The following GABRG3 variants were observed in gnomAD, a reference collection of about 807,000 sequenced individuals.
GABRG3 encodes the protein gamma-aminobutyric acid type A receptor subunit gamma3.
In GABRG3, 25 loss-of-function variants were observed where a neutral mutation model predicts 48.8. The observed-to-expected ratio is 0.51, with a 90% CI of 0.37 to 0.72. GABRG3 has a LOEUF of 0.72. Ranked by LOEUF, GABRG3 falls within the 30% of genes least tolerant of loss-of-function variation. The pLI, the probability that GABRG3 is intolerant of heterozygous loss-of-function variation, is 0.00. For synonymous variants in GABRG3, 227 were observed against 217.6 expected (o/e 1.04, Z -0.38); for missense variants, 394 against 577.9 (o/e 0.68, Z 3.26).
chr15:27,504,002 T>G (rs966996712), intron 6 of GABRG3, among the ~76,000 whole-genome samples: 3 of 152,154 alleles, frequency 2.0e-5, no homozygotes, highest in Non-Finnish European at 2.9e-5. Flanking sequence ...TTCCTTTGAT[T>G]ATTATTACCA....
At chr15:27,220,902 C>T (rs887089727) in intron 3 of GABRG3, among the ~76,000 whole-genome samples, 7 of 152,080 alleles carry the variant, frequency 4.6e-5, no homozygotes, top group African/African-American at 7.2e-5. Context: ...AATCAGTAAT[C>T]GCAGATCAAG....
At chr15:27,177,133 A>G (rs953399145) in intron 3 of GABRG3, among the ~76,000 whole-genome samples, 2 of 152,004 alleles carry the variant, frequency 1.3e-5, no homozygotes, top group African/African-American at 4.8e-5. Flanking sequence ...TTTGGTGGGG[A>G]TGAAGTCACA....
chr15:27,184,720 G>A (rs1172292811), intron 3 of GABRG3, among the ~76,000 whole-genome samples: 1 of 152,062 alleles, frequency 6.6e-6, no homozygotes, highest in Non-Finnish European at 1.5e-5. Flanking sequence ...TTATTTAATG[G>A]TTATGGGACC....
At chr15:27,032,221 T>A (rs1273971540) in intron 3 of GABRG3, among the ~76,000 whole-genome samples, 1 of 152,240 alleles carries the variant, frequency 6.6e-6, no homozygotes, top group East Asian at 1.9e-4. Flanking sequence ...AATTTTAATT[T>A]GATTCTTTCT....
At chr15:27,226,088 T>C (rs979493292) in intron 3 of GABRG3, among the ~76,000 whole-genome samples, 5 of 152,128 alleles carry the variant, frequency 3.3e-5, no homozygotes, top group African/African-American at 1.2e-4. Flanking sequence ...TTGATGCAAA[T>C]AGGCAAGAGG....
intron 3 of GABRG3, among the ~76,000 whole-genome samples, chr15:27,125,527 T>C (rs1469191286): frequency 2.0e-5 from 3 of 152,348 alleles, no homozygotes; most frequent in South Asian, 2.1e-4. Context: ...GTGATGGTTA[T>C]GCTACTTACC....
intron 6 of GABRG3, among the ~76,000 whole-genome samples, chr15:27,494,261 A>G (rs1890427298): frequency 6.6e-6 from 1 of 152,104 alleles, no homozygotes; most frequent in Non-Finnish European, 1.5e-5. Flanking sequence ...CAACATTAAT[A>G]TCAATTCAAT....
intron 5 of GABRG3, among the ~76,000 whole-genome samples, chr15:27,389,527 G>C (rs1218680395): frequency 6.6e-6 from 1 of 152,176 alleles, no homozygotes; most frequent in Non-Finnish European, 1.5e-5. Context: ...GTTGGAGTGT[G>C]TGTAGTCCTC....
intron 3 of GABRG3, among the ~76,000 whole-genome samples, chr15:27,194,497 T>A: frequency 6.6e-6 from 1 of 152,202 alleles, no homozygotes; most frequent in East Asian, 1.9e-4. Flanking sequence ...AGTGTTTTTA[T>A]TTGTCCTTTA....
chr15:27,319,627 C>T lies in GABRG3; in HGVS notation c.271-7182C>T, dbSNP rs537830379. ...AGACAGGAGGATGGAGAGGACTGGA[C>T]GAGGCTGGATAAGAGGGTGTCCAGG... On this transcript the variant is annotated intron_variant, in intron 3 of 9. Transcript: ENST00000615808. This position sits in a 1 kb window ranked among gnomAD's most constrained non-coding sequence, Gnocchi z 4.4. Among the ~76,000 whole-genome samples, 34 of 152,084 alleles carry T rather than the reference C, an allele frequency of 2.2e-4. No individual in the cohort carries two copies. The highest frequency in any genetic ancestry group is 6.7e-4 in the African/African-American group (28 of 41,486).
chr15:27,381,462 CTG>C (rs1156366305), intron 5 of GABRG3, among the ~76,000 whole-genome samples: 10 of 152,166 alleles, frequency 6.6e-5, no homozygotes, highest in Non-Finnish European at 1.3e-4. Context: ...GTTTTTAACT[CTG>C]AGATTTTTGT....
intron 3 of GABRG3, among the ~76,000 whole-genome samples, chr15:27,231,087 A>G (rs1054964322): frequency 1.3e-5 from 2 of 151,990 alleles, no homozygotes; most frequent in Non-Finnish European, 2.9e-5. Flanking sequence ...AAGAAAATAG[A>G]AAAATTTTAA....
intron 3 of GABRG3, among the ~76,000 whole-genome samples, chr15:27,322,058 T>C (rs1447880707): frequency 2.0e-5 from 3 of 152,254 alleles, no homozygotes; most frequent in Non-Finnish European, 4.4e-5. Flanking sequence ...TAAGGAATTA[T>C]ATAGAATCTT....
chr15:27,527,808 T>C (rs1336707399), intron 8 of GABRG3, 125 bp from the exon 9 acceptor site: 2 of 969,790 alleles, frequency 2.1e-6, no homozygotes, highest in Non-Finnish European at 3.1e-6. Flanking sequence ...CTCTAAGACA[T>C]CTCTGGTGTC....
intron 5 of GABRG3, among the ~76,000 whole-genome samples, chr15:27,448,607 A>G (rs1190580121): frequency 2.0e-5 from 3 of 152,252 alleles, no homozygotes; most frequent in African/African-American, 7.2e-5. Flanking sequence ...GGAAAGTATT[A>G]CAAAGAAAAG....
intron 3 of GABRG3, among the ~76,000 whole-genome samples, chr15:27,297,298 G>A (rs1177298614): frequency 6.6e-6 from 1 of 152,054 alleles, no homozygotes; most frequent in Non-Finnish European, 1.5e-5. Context: ...ATTTAGTGTA[G>A]CCTCTAAGTG....
At chr15:27,010,112 T>A (rs1566908122) in intron 2 of GABRG3, among the ~76,000 whole-genome samples, 1 of 152,132 alleles carries the variant, frequency 6.6e-6, no homozygotes, top group African/African-American at 2.4e-5. Flanking sequence ...GCCCAGCTAA[T>A]TTTTGTAGTT....
chr15:27,428,925 A>C (rs943408412), intron 5 of GABRG3, among the ~76,000 whole-genome samples: 3 of 152,228 alleles, frequency 2.0e-5, no homozygotes, highest in African/African-American at 7.2e-5. Context: ...TAAACCTCTC[A>C]GAGTTTACAA....
At chr15:27,216,534 C>G (rs1792772145) in intron 3 of GABRG3, among the ~76,000 whole-genome samples, 1 of 152,130 alleles carries the variant, frequency 6.6e-6, no homozygotes, top group Non-Finnish European at 1.5e-5. Context: ...TCAGCTTATT[C>G]TGACATTTAC....
Sources: gnomAD v4.1 joint callset for allele counts (sites outside exome capture counted in the v4.1 genomes callset) on GRCh38, gnomAD v4.1.1 for gene constraint, Gnocchi (gnomAD v3.1) non-coding constraint, MANE v1.5 for transcripts, NCBI Gene and HGNC (gene_info 2026-07-23, HGNC 2026-07-21) for gene names.